MAST3: variants seen among roughly 807,000 people sequenced by gnomAD.
MAST3 encodes the protein microtubule associated serine/threonine kinase 3, also known as microtubule-associated serine/threonine-protein kinase 3.
In MAST3, 43 loss-of-function variants were observed where a neutral mutation model predicts 127.0. The observed-to-expected ratio is 0.34, with a 90% confidence interval of 0.27 to 0.44. The LOEUF (loss-of-function observed/expected upper bound fraction) is 0.44, where lower values mean the gene tolerates loss of function less well. MAST3 is among the 20% of genes least tolerant of loss of function. MAST3 has a pLI of 1.00. For synonymous variants in MAST3, 785 were observed against 809.2 expected, an observed-to-expected ratio of 0.97 and a Z score of 0.51; for missense variants, 1,390 against 1,919.1, an observed-to-expected ratio of 0.72 and a Z score of 5.15.
In MAST3 at chr19:18,144,364, C is replaced by A; in HGVS notation, c.2585-102C>A. 1 of 1,024,264 alleles carries A rather than the reference C, an allele frequency of 9.8e-7. No homozygotes were observed. The highest frequency in any genetic ancestry group is 1.5e-6 in the Non-Finnish European group (1 of 687,770). The allele number at this position is 1,024,264 out of a possible 1,614,324, so 63.4% of individuals were successfully genotyped here. A position where few individuals can be genotyped will look rare whatever the true frequency, so the allele number is the denominator to read the frequency against. On this transcript the variant is annotated intron_variant, in intron 22 of 27. Coordinates refer to ENST00000687212, the MANE Select transcript of MAST3 (RefSeq NM_001393504.1). The surrounding 1 kb of genome is among the most constrained non-coding windows in gnomAD (Gnocchi z 4.0). ...AACTGCATGAGCAAAGGCCAGGAGG[C>A]TGGACTGTGTAAATAGTGACCAGGG...
chr19:18,145,943 G>T lies in MAST3; in HGVS notation c.3162+78G>T. ...AGCTCCCGGTTCCCCGTGGTTCTCC[G>T]CGTCCAGACACACAACCCCACATTC... On this transcript the variant is annotated intron_variant, in intron 25 of 27. Transcript: ENST00000687212. The surrounding 1 kb of genome is among the most constrained non-coding windows in gnomAD (Gnocchi z 5.9). 1 of 1,469,992 alleles carries T rather than the reference G, an allele frequency of 6.8e-7. No individual in the cohort carries two copies. The allele number at this position is 1,469,992 out of a possible 1,614,324, so 91.1% of individuals were successfully genotyped here.
At chr19:18,143,219 C>T (rs1352400460) in intron 21 of MAST3, among the ~76,000 whole-genome samples, 1 of 152,106 alleles carries the variant, frequency 6.6e-6, no homozygotes, top group Non-Finnish European at 1.5e-5. Flanking sequence ...CTGTCTCAGC[C>T]TCCCAAAGTG....
At position 18,121,751 on chromosome 19, in the gene MAST3, G is replaced by C. The variant is rs764686317; in HGVS notation, c.228G>C (p.Leu76=). 3 of 1,614,026 alleles carry C rather than the reference G, an allele frequency of 1.9e-6. No homozygotes were observed. The highest frequency in any genetic ancestry group is 1.1e-5 in the South Asian group (1 of 91,084). ...GTPSPTLSRP[L]SPLSVPTGSS... ...CCTCCCCGACCCTCTCCCGGCCCCT[G>C]TCGCCATTGTCGGTCCCAACGGGTG... Residue 76 remains leucine, a synonymous_variant, in exon 4 of 28, where the codon CTG becomes CTC. Transcript: ENST00000687212.
chr19:18,118,381 G>T, intron 3 of MAST3: 1 of 445,852 alleles, frequency 2.2e-6, no homozygotes, highest in Non-Finnish European at 3.0e-6. Context: ...GGGAAGGGGG[G>T]AGGACGCCTG....
At chr19:18,121,660 A>G (rs767384351) in intron 3 of MAST3, 25 bp from the exon 4 acceptor site, 1 of 1,606,704 alleles carries the variant, frequency 6.2e-7, no homozygotes. Flanking sequence ...GCAGCCACCT[A>G]CCCTGTCCCC....
intron 10 of MAST3, 49 bp downstream of exon 10, chr19:18,124,415 T>A (rs756039340): frequency 1.1e-5 from 17 of 1,515,082 alleles, no homozygotes; most frequent in African/African-American, 4.1e-5. Context: ...AGAACTGAGA[T>A]TGGGACCACA....
Position 18,124,076 on chromosome 19 carries a change from G to A in MAST3, c.771G>A (p.Lys257=). The A allele has an allele frequency of 6.2e-7, 1 of 1,610,528 alleles. No homozygotes were observed. The highest frequency in any genetic ancestry group is 8.5e-7 in the Non-Finnish European group (1 of 1,178,552). ...AGCTGGCCCGAGACTGCTTGGCCAA[G>A]TCTGGCGAGAACCTCGTCACCTCCC... The part of the protein sequence containing the change: ...IVELARDCLA[K]SGENLVTSRY... The change falls in exon 9 of 28, where the codon AAG becomes AAA. Residue 257 remains lysine (K), a synonymous_variant. Transcript: ENST00000687212.
chr19:18,124,136 G>T lies in MAST3; in HGVS notation c.831G>T (p.Arg277=). ...TAGAGATGCAGGAGAAGCTGGAGCG[G>T]CTTCTGCAGGATGTGCGTGGTTTTT... is the stretch of plus-strand genomic sequence containing the variant. ...YFLEMQEKLE[R]LLQDAHERSD... The change falls in exon 9 of 28, where the codon CGG becomes CGT. Residue 277 remains arginine (R), a synonymous_variant. Coordinates refer to ENST00000687212, the MANE Select transcript of MAST3 (RefSeq NM_001393504.1). 1 of 1,609,836 alleles carries T rather than the reference G, an allele frequency of 6.2e-7. No individual in the cohort carries two copies. The highest frequency in any genetic ancestry group is 8.5e-7 in the Non-Finnish European group (1 of 1,178,330).
chr19:18,125,260 A>G (rs529969244), intron 11 of MAST3, among the ~76,000 whole-genome samples: 2 of 152,298 alleles, frequency 1.3e-5, no homozygotes, highest in East Asian at 3.9e-4. Flanking sequence ...TTTGGGGCCC[A>G]GGGGCCTCAG....
chr19:18,098,506 A>G (rs1481640643), intron 1 of MAST3, among the ~76,000 whole-genome samples: 2 of 151,742 alleles, frequency 1.3e-5, no homozygotes, highest in African/African-American at 4.8e-5. Flanking sequence ...TACTGAGTTT[A>G]TGTTTAGGAG....
At chr19:18,147,738 T>A in intron 27 of MAST3, 114 bp downstream of exon 27, 2 of 783,850 alleles carry the variant, frequency 2.6e-6, no homozygotes, top group Non-Finnish European at 4.0e-6. Flanking sequence ...GGGAAAAAGA[T>A]GACCGGGATC....
At chr19:18,101,562 G>A (rs1166680380) in intron 1 of MAST3, among the ~76,000 whole-genome samples, 2 of 152,096 alleles carry the variant, frequency 1.3e-5, no homozygotes, top group Non-Finnish European at 2.9e-5. Flanking sequence ...TGCAGGCTTT[G>A]TTTGACACCC....
chr19:18,109,937 G>T (rs911949494), intron 2 of MAST3: 119 of 985,184 alleles, frequency 1.2e-4, no homozygotes, highest in Non-Finnish European at 1.4e-4. Flanking sequence ...GAGAGGCGGG[G>T]TCAGGCCATG....
At chr19:18,114,052 C>T (rs555514475) in intron 3 of MAST3, among the ~76,000 whole-genome samples, 5 of 152,260 alleles carry the variant, frequency 3.3e-5, no homozygotes, top group East Asian at 1.9e-4. Context: ...TTTCTTCTTC[C>T]GTCACATCCT....
rs547310133 is a variant in MAST3, at chr19:18,121,820, G to C, written c.251-33G>C. 3 of 1,613,752 alleles carry C rather than the reference G, an allele frequency of 1.9e-6. No homozygotes were observed. The African/African-American group carries it at 4.0e-5, about 22-fold the overall frequency. On this transcript the variant is annotated intron_variant, in intron 4 of 27. Coordinates refer to ENST00000687212, the MANE Select transcript of MAST3 (RefSeq NM_001393504.1). ...GGGTGCTGTGTCCTGCCTCTGCCCC[G>C]CTGACTCAGTTTCCCCGCCTCCTCC...
At chr19:18,102,946 GC>G (rs2037770122) in intron 1 of MAST3, among the ~76,000 whole-genome samples, 1 of 152,178 alleles carries the variant, frequency 6.6e-6, no homozygotes, top group Non-Finnish European at 1.5e-5. Context: ...TCAAGGTGGG[GC>G]TAAAGCTTGT....
At chr19:18,117,839 C>A (rs1197946254) in intron 3 of MAST3, among the ~76,000 whole-genome samples, 2 of 151,628 alleles carry the variant, frequency 1.3e-5, no homozygotes, top group African/African-American at 4.8e-5. Context: ...CTCAGCCGCC[C>A]GCGGCCCTAG....
In MAST3 at chr19:18,130,695, C is replaced by T. The variant is rs753248221; in HGVS notation, c.1425C>T (p.Tyr475=). Residue 475 remains tyrosine (Y), a synonymous_variant, in exon 14 of 28, where the codon TAC becomes TAT. Transcript: ENST00000687212. ...TRRHLCMVME[Y]VEGGDCATLL... is the part of the protein sequence containing the mutation. The stretch of plus-strand genomic sequence containing the variant: ...GCCACCTATGTATGGTCATGGAATA[C>T]GTGGAAGGTACGCTCACTGGGGCTT... 31 of 1,613,382 alleles carry T rather than the reference C, an allele frequency of 1.9e-5. No homozygotes were observed. The highest frequency in any genetic ancestry group is 2.2e-5 in the South Asian group (2 of 90,970).
chr19:18,141,474 G>A (rs1377151762), intron 20 of MAST3, among the ~76,000 whole-genome samples: 2 of 147,296 alleles, frequency 1.4e-5, no homozygotes, highest in Non-Finnish European at 3.0e-5. Flanking sequence ...CTGGGTTCAA[G>A]CCATTCTCCT....
Sources: allele counts gnomAD v4.1 joint callset (sites outside exome capture counted in the v4.1 genomes callset), GRCh38; gene constraint gnomAD v4.1.1; non-coding constraint Gnocchi (gnomAD v3.1); transcripts MANE v1.5; gene names NCBI Gene and HGNC (gene_info 2026-07-23, HGNC 2026-07-21).